UBE2R2: variants seen among roughly 807,000 people sequenced by gnomAD.
The protein encoded by UBE2R2 is ubiquitin conjugating enzyme E2 R2.
In UBE2R2, 1 loss-of-function variant was observed where a neutral mutation model predicts 27.8. That is an observed-to-expected ratio of 0.04 (90% CI 0.01 to 0.17). The LOEUF (loss-of-function observed/expected upper bound fraction) is 0.17. Ranked by LOEUF, UBE2R2 falls within the 10% of genes least tolerant of loss-of-function variation. UBE2R2 has a pLI of 1.00. For missense variants in UBE2R2, 100 were observed against 291.0 expected, an observed-to-expected ratio of 0.34 and a Z score of 4.78; for synonymous variants, 106 against 113.3, an observed-to-expected ratio of 0.94 and a Z score of 0.41.
rs1825852892 is a variant in UBE2R2 at position 33,818,035 on chromosome 9, G to A, written c.177+101G>A. On this transcript the variant is annotated intron_variant, in intron 1 of 4. Transcript: ENST00000263228. ...GGACCAGGAGTATGAGCACGGGCGA[G>A]TGGAGGGGGCTTCTCACCCGTGCAG... The A allele has an allele frequency of 2.9e-6, 4 of 1,397,248 alleles. No individual in the cohort carries two copies. In the South Asian group the frequency reaches 3.9e-5, roughly 14 times the overall value. 86.6% of individuals were successfully genotyped at this position (1,397,248 alleles called of 1,614,324 possible). A position where few individuals can be genotyped will look rare whatever the true frequency, so the allele number is the denominator to read the frequency against.
At chr9:33,884,286 TTTC>T (rs1490243595) in intron 1 of UBE2R2, among the ~76,000 whole-genome samples, 6 of 136,796 alleles carry the variant, frequency 4.4e-5, no homozygotes, top group Non-Finnish European at 1.6e-5. Context: ...TTTCTTTTTC[TTTC>T]TTTTTTTTTT....
At chr9:33,879,241 A>G (rs1587464764) in intron 1 of UBE2R2, among the ~76,000 whole-genome samples, 1 of 152,070 alleles carries the variant, frequency 6.6e-6, no homozygotes, top group Non-Finnish European at 1.5e-5. Flanking sequence ...TAATCAGTCA[A>G]TCAATCAGTC....
At chr9:33,853,623 T>C (rs1821022627) in intron 1 of UBE2R2, among the ~76,000 whole-genome samples, 1 of 151,978 alleles carries the variant, frequency 6.6e-6, no homozygotes, top group African/African-American at 2.4e-5. Flanking sequence ...ATTCTTACCA[T>C]TTTCAAATTT....
chr9:33,851,145 G>C (rs189117647), intron 1 of UBE2R2, among the ~76,000 whole-genome samples: 2 of 152,010 alleles, frequency 1.3e-5, no homozygotes, highest in African/African-American at 4.8e-5. Flanking sequence ...GTATCCTTTG[G>C]TAGGCACTCT....
At chr9:33,904,130 T>C (rs1254625381) in intron 3 of UBE2R2, among the ~76,000 whole-genome samples, 3 of 152,212 alleles carry the variant, frequency 2.0e-5, no homozygotes, top group Non-Finnish European at 4.4e-5. Context: ...TGGAATACTT[T>C]CGCTTATCCC....
chr9:33,917,002 G>A lies in UBE2R2; in HGVS notation c.498-16G>A. The A allele has an allele frequency of 1.2e-6, 2 of 1,613,896 alleles. No homozygotes were observed. Among genetic ancestry groups the A allele is most frequent in the Non-Finnish European group, 1.7e-6 (2 of 1,179,974 alleles). On this transcript the variant is annotated splice_polypyrimidine_tract_variant and intron_variant, in intron 4 of 4. Coordinates refer to ENST00000263228, the MANE Select transcript of UBE2R2 (RefSeq NM_017811.4). ...AAGACTTACCGTAAACCATTTCTGT[G>A]TCAACCTCCCTTCAGGAAACAAGTT...
At chr9:33,854,753 CTG>C (rs1465521121) in intron 1 of UBE2R2, among the ~76,000 whole-genome samples, 1 of 149,386 alleles carries the variant, frequency 6.7e-6, no homozygotes, top group East Asian at 1.9e-4. Context: ...GGGTCTCACT[CTG>C]TCACCCAGAC....
At chr9:33,819,614 T>G (rs981785587) in intron 1 of UBE2R2, among the ~76,000 whole-genome samples, 56 of 151,966 alleles carry the variant, frequency 3.7e-4, no homozygotes, top group Non-Finnish European at 7.4e-4. Context: ...AAAAATTAGT[T>G]GTACAAAATT....
chr9:33,892,877 G>A (rs571510435), intron 2 of UBE2R2, among the ~76,000 whole-genome samples: 1 of 151,586 alleles, frequency 6.6e-6, no homozygotes, highest in East Asian at 1.9e-4. Context: ...TTATCTTTTA[G>A]AATCCCCATT....
At chr9:33,867,909 A>G (rs1268174901) in intron 1 of UBE2R2, among the ~76,000 whole-genome samples, 1 of 152,200 alleles carries the variant, frequency 6.6e-6, no homozygotes, top group Non-Finnish European at 1.5e-5. Context: ...ACAGAGCAAG[A>G]CAGGGCCTGC....
intron 1 of UBE2R2, among the ~76,000 whole-genome samples, chr9:33,880,307 C>T (rs1432632605): frequency 3.9e-5 from 6 of 152,028 alleles, no homozygotes; most frequent in Non-Finnish European, 5.9e-5. Context: ...GTGTATGTTA[C>T]AGATTTTCAT....
chr9:33,841,908 C>T (rs1820740713), intron 1 of UBE2R2, among the ~76,000 whole-genome samples: 1 of 152,070 alleles, frequency 6.6e-6, no homozygotes, highest in Non-Finnish European at 1.5e-5. Context: ...TGTATGCTGT[C>T]CTCATCACCC....
At chr9:33,835,230 C>T (rs1312325771) in intron 1 of UBE2R2, among the ~76,000 whole-genome samples, 3 of 147,840 alleles carry the variant, frequency 2.0e-5, no homozygotes, top group African/African-American at 4.9e-5. Context: ...TCACTGCAAC[C>T]TCTGTCTCCA....
chr9:33,831,406 A>G (rs1376201474), intron 1 of UBE2R2, among the ~76,000 whole-genome samples: 1 of 152,222 alleles, frequency 6.6e-6, no homozygotes, highest in Middle Eastern at 3.4e-3. Context: ...TTTCCTTCTT[A>G]TGACTTAATA....
At chr9:33,874,921 G>A (rs541825632) in intron 1 of UBE2R2, among the ~76,000 whole-genome samples, 1 of 152,204 alleles carries the variant, frequency 6.6e-6, no homozygotes, top group South Asian at 2.1e-4. Context: ...TCCCGCCTCA[G>A]CCTCGCAAGG....
chr9:33,817,653 G>A lies in UBE2R2; in HGVS notation c.-105G>A. On this transcript the variant is annotated 5_prime_UTR_variant, in exon 1 of 5. Coordinates refer to ENST00000263228, the MANE Select transcript of UBE2R2 (RefSeq NM_017811.4). ...GGGTGTGTGAAGACCGGGGCCCGGT[G>A]CTGCCCGGCCGGAGGGCGAGCGGAG... 1 of 1,147,086 alleles carries A rather than the reference G, an allele frequency of 8.7e-7. No homozygotes were observed. Among genetic ancestry groups the A allele is most frequent in the Non-Finnish European group, 1.1e-6 (1 of 936,026 alleles). 71.1% of individuals were successfully genotyped at this position (1,147,086 alleles called of 1,614,324 possible). A position where few individuals can be genotyped will look rare whatever the true frequency, so the allele number is the denominator to read the frequency against.
upstream of UBE2R2, among the ~76,000 whole-genome samples, chr9:33,816,965 C>G (rs1056536924): frequency 1.3e-5 from 2 of 152,060 alleles, 1 homozygote; most frequent in South Asian, 4.1e-4. Flanking sequence ...CGTCACAAAG[C>G]GCCGCGACCG....
intron 2 of UBE2R2, among the ~76,000 whole-genome samples, chr9:33,887,315 C>A (rs1821881893): frequency 6.6e-6 from 1 of 152,188 alleles, no homozygotes; most frequent in Non-Finnish European, 1.5e-5. Flanking sequence ...TCTAACTTCA[C>A]AGCAAGGGTC....
chr9:33,911,483 T>C (rs921459093), intron 3 of UBE2R2, among the ~76,000 whole-genome samples: 7 of 146,932 alleles, frequency 4.8e-5, no homozygotes, highest in Non-Finnish European at 9.0e-5. Context: ...CACATCAAGA[T>C]TGCCTTGAAA....
Sources: allele counts gnomAD v4.1 joint callset (sites outside exome capture counted in the v4.1 genomes callset), GRCh38; gene constraint gnomAD v4.1.1; transcripts MANE v1.5; gene names NCBI Gene and HGNC (gene_info 2026-07-23, HGNC 2026-07-21).